RAD52: variants seen among roughly 807,000 people sequenced by gnomAD.
The protein encoded by RAD52 is RAD52 DNA repair protein.
Under a neutral mutation model 55.5 loss-of-function variants are expected in RAD52, and 47 were observed. The observed-to-expected ratio is 0.85, with a 90% CI of 0.67 to 1.08. The LOEUF (loss-of-function observed/expected upper bound fraction) is 1.08, where lower values mean the gene tolerates loss of function less well. Among genes scored for constraint, RAD52 ranks in the 50% least tolerant of loss-of-function variants. The pLI is 0.00. For synonymous variants in RAD52, 184 were observed against 198.9 expected, an observed-to-expected ratio of 0.92 and a Z score of 0.63; for missense variants, 468 against 522.8, an observed-to-expected ratio of 0.90 and a Z score of 1.02.
chr12:932,496 A>AG (rs1957373538), intron 2 of RAD52, among the ~76,000 whole-genome samples: 1 of 149,878 alleles, frequency 6.7e-6, no homozygotes, highest in Non-Finnish European at 1.5e-5. Context: ...CTCAGTCTCG[A>AG]AAAAAAAAAG....
intron 1 of RAD52, among the ~76,000 whole-genome samples, chr12:978,573 G>A (rs753904731): frequency 6.6e-6 from 1 of 152,132 alleles, no homozygotes; most frequent in African/African-American, 2.4e-5. Flanking sequence ...GTCCAAGGTG[G>A]ACAGATTGCC....
At chr12:958,560 C>A (rs1565702859) in intron 1 of RAD52, among the ~76,000 whole-genome samples, 1 of 152,180 alleles carries the variant, frequency 6.6e-6, no homozygotes, top group Non-Finnish European at 1.5e-5. Context: ...GAAAACATAG[C>A]CTCACCTCTC....
chr12:917,349 A>G (rs969484759), intron 7 of RAD52, among the ~76,000 whole-genome samples: 2 of 152,188 alleles, frequency 1.3e-5, no homozygotes, highest in African/African-American at 4.8e-5. Context: ...CATCTCATCA[A>G]CATGAGAAGG....
intron 9 of RAD52, 44 bp from the exon 10 acceptor site, chr12:914,576 A>G (rs1359213712): frequency 3.1e-6 from 5 of 1,607,344 alleles, no homozygotes; most frequent in South Asian, 2.2e-5. Flanking sequence ...TCATCACATC[A>G]CTGCATGGGA....
At chr12:961,485 A>G (rs1958685387) in intron 1 of RAD52, among the ~76,000 whole-genome samples, 1 of 151,896 alleles carries the variant, frequency 6.6e-6, no homozygotes, top group Non-Finnish European at 1.5e-5. Context: ...TTAAGTTGAA[A>G]TGTTGAAATG....
At chr12:915,494 T>C (rs1188075642) in intron 9 of RAD52, among the ~76,000 whole-genome samples, 1 of 152,164 alleles carries the variant, frequency 6.6e-6, no homozygotes, top group Non-Finnish European at 1.5e-5. Flanking sequence ...CTTTCTCTGT[T>C]TCCACTCTCT....
At chr12:967,770 A>G (rs1958790381) in intron 1 of RAD52, among the ~76,000 whole-genome samples, 3 of 151,928 alleles carry the variant, frequency 2.0e-5, no homozygotes, top group Admixed American at 6.6e-5. Flanking sequence ...ATGCTCAGCT[A>G]ATTAAAAAAA....
chr12:920,633 G>T (rs1022394595), intron 7 of RAD52, among the ~76,000 whole-genome samples: 6 of 151,454 alleles, frequency 4.0e-5, no homozygotes, highest in Non-Finnish European at 7.4e-5. Context: ...AAACACCAGA[G>T]GTCCTAAATA....
rs11571443 is a variant in RAD52 at position 927,174 on chromosome 12, C to T, written c.438G>A (p.Ala146=). The change falls in exon 6 of 12, where the codon GCG becomes GCA. Residue 146 remains alanine, a synonymous_variant. Coordinates refer to ENST00000358495, the MANE Select transcript of RAD52 (RefSeq NM_134424.4). ...ALSLEKARKE[A]VTDGLKRALR... ...GGGCTCGCTTCAGCCCGTCTGTCAC[C>T]GCCTCCTTCCTTGCCTTCTCCAAAG... The T allele has an allele frequency of 8.2e-4, 1,316 of 1,614,112 alleles. 5 individuals are homozygous for T. The highest frequency in any genetic ancestry group is 2.8e-3 in the South Asian group (252 of 91,086).
chr12:922,199 A>AC (rs1956769352), intron 7 of RAD52, among the ~76,000 whole-genome samples: 2 of 146,830 alleles, frequency 1.4e-5, no homozygotes, highest in Non-Finnish European at 1.5e-5. Flanking sequence ...CTTAAAAAAA[A>AC]AAAAAAAAAA....
rs104895064 is a variant in RAD52 at position 913,073 on chromosome 12, G to A, written c.*318C>T. 1.1e-5 allele frequency: 2 copies of A among 179,956 alleles called. No individual in the cohort carries two copies. Among genetic ancestry groups the A allele is most frequent in the South Asian group, 3.2e-4 (2 of 6,198 alleles). The allele number at this position is 179,956 out of a possible 1,614,324, so 11.1% of individuals were successfully genotyped here. A position where few individuals can be genotyped will look rare whatever the true frequency, so the allele number is the denominator to read the frequency against. ...GGCCTATATTGCTTGAGGGCAAGGAGCCATTGGTGATTCCTAAAATGTCCA... is the reference window on the plus strand; with the variant it reads ...GGCCTATATTGCTTGAGGGCAAGGAACCATTGGTGATTCCTAAAATGTCCA... On this transcript the variant is annotated 3_prime_UTR_variant, in exon 12 of 12. Coordinates refer to ENST00000358495, the MANE Select transcript of RAD52 (RefSeq NM_134424.4).
chr12:914,599 G>T, intron 9 of RAD52, 67 bp from the exon 10 acceptor site: 1 of 1,586,200 alleles, frequency 6.3e-7, no homozygotes. Context: ...TCAGAGCGTG[G>T]GTCCACTCCC....
At chr12:989,328 G>C (rs1004219386) in intron 1 of RAD52, among the ~76,000 whole-genome samples, 2 of 151,974 alleles carry the variant, frequency 1.3e-5, no homozygotes, top group Admixed American at 6.6e-5. Flanking sequence ...TATTTTGTCA[G>C]ACCACACTTA....
intron 1 of RAD52, among the ~76,000 whole-genome samples, chr12:964,941 T>C (rs1446929882): frequency 8.5e-6 from 1 of 118,190 alleles, no homozygotes; most frequent in Non-Finnish European, 1.7e-5. Flanking sequence ...TGTATTATAC[T>C]CATCTTTGCC....
At chr12:921,766 A>G (rs1956738326) in intron 7 of RAD52, among the ~76,000 whole-genome samples, 1 of 152,158 alleles carries the variant, frequency 6.6e-6, no homozygotes, top group Non-Finnish European at 1.5e-5. Flanking sequence ...AAGGACTTGA[A>G]TAGACATCTC....
rs577090674 is a variant in RAD52 at position 925,455 on chromosome 12, G to A, written c.538C>T (p.Arg180Cys). Residue 180 changes from arginine (R) to cysteine (C), a missense_variant, in exon 7 of 12, where the codon CGC becomes TGC. Physicochemically the swap from Arg to Cys is radical, Grantham distance 180 (BLOSUM62 -3). Coordinates refer to ENST00000358495, the MANE Select transcript of RAD52 (RefSeq NM_134424.4). The stretch of plus-strand genomic sequence containing the variant: ...CTCATCCATGTCTGATATACCTGGC[G>A]TGGAAGCTTATTTAGTGATCTCAGG... ...DYLRSLNKLP[R>C]QLPLEVDLTK... 18 of 1,612,982 alleles carry A rather than the reference G, an allele frequency of 1.1e-5. No individual in the cohort carries two copies. Among genetic ancestry groups the A allele is most frequent in the African/African-American group, 5.3e-5 (4 of 74,984 alleles).
intron 1 of RAD52, among the ~76,000 whole-genome samples, chr12:956,642 G>A (rs556600543): frequency 1.3e-4 from 20 of 152,286 alleles, no homozygotes; most frequent in Admixed American, 1.2e-3. Flanking sequence ...CGTCTCCCGG[G>A]CTCAAGCGAT....
At chr12:979,622 C>G (rs1958983874) in intron 1 of RAD52, among the ~76,000 whole-genome samples, 2 of 152,098 alleles carry the variant, frequency 1.3e-5, no homozygotes, top group Non-Finnish European at 2.9e-5. Flanking sequence ...GAGAAGATGG[C>G]TGTCTGCAAT....
chr12:914,339 C>G, intron 10 of RAD52, 92 bp downstream of exon 10: 2 of 1,540,330 alleles, frequency 1.3e-6, no homozygotes, highest in Non-Finnish European at 1.7e-6. Flanking sequence ...CAAAACCACA[C>G]GAAAATGAGG....
Sources: gnomAD v4.1 joint callset for allele counts (sites outside exome capture counted in the v4.1 genomes callset) on GRCh38, gnomAD v4.1.1 for gene constraint, MANE v1.5 for transcripts, NCBI Gene and HGNC (gene_info 2026-07-23, HGNC 2026-07-21) for gene names.